The following ADAMTS9 variants were observed in gnomAD, a reference collection of about 807,000 sequenced individuals.
ADAMTS9 encodes the protein A disintegrin and metalloproteinase with thrombospondin motifs 9.
A neutral mutation model predicts 257.1 loss-of-function variants in ADAMTS9; 107 were observed. The ratio of observed to expected loss-of-function variants is 0.42; its 90% CI spans 0.36 to 0.49. ADAMTS9 has a LOEUF of 0.49. Ranked by LOEUF, ADAMTS9 falls within the 20% of genes least tolerant of loss-of-function variation. ADAMTS9 has a pLI of 0.03. For synonymous variants in ADAMTS9, 982 were observed against 880.9 expected (o/e 1.11, Z -2.03); for missense variants, 2,353 against 2,469.1 (o/e 0.95, Z 1.00).
intron 10 of ADAMTS9, among the ~76,000 whole-genome samples, chr3:64,648,706 C>A (rs1700857856): frequency 6.6e-6 from 1 of 152,112 alleles, no homozygotes; most frequent in Non-Finnish European, 1.5e-5. Context: ...GAGTTGAGAT[C>A]ATACTTCATA....
intron 3 of ADAMTS9, among the ~76,000 whole-genome samples, chr3:64,661,731 G>A (rs1701228231): frequency 6.6e-6 from 1 of 151,992 alleles, no homozygotes; most frequent in South Asian, 2.1e-4. Flanking sequence ...TTTTACAACA[G>A]GTGTATGGAA....
At chr3:64,660,909 G>C (rs1701205365) in intron 3 of ADAMTS9, among the ~76,000 whole-genome samples, 1 of 152,162 alleles carries the variant, frequency 6.6e-6, no homozygotes, top group South Asian at 2.1e-4. Context: ...AAAGAAGCTG[G>C]TGCTAGTTTT....
intron 17 of ADAMTS9, 39 bp downstream of exon 17, chr3:64,622,381 C>A: frequency 6.2e-7 from 1 of 1,612,568 alleles, no homozygotes; most frequent in Non-Finnish European, 8.5e-7. Flanking sequence ...TAATGCCAAG[C>A]AGAAGAAAAG....
intron 28 of ADAMTS9, among the ~76,000 whole-genome samples, chr3:64,574,928 A>G (rs575916329): frequency 1.3e-5 from 2 of 152,322 alleles, no homozygotes; most frequent in South Asian, 4.1e-4. Context: ...GTAGCTACGC[A>G]ATGTTAATAG....
At chr3:64,639,725 T>C (rs1700592497) in intron 12 of ADAMTS9, among the ~76,000 whole-genome samples, 3 of 152,196 alleles carry the variant, frequency 2.0e-5, no homozygotes, top group South Asian at 2.1e-4. Flanking sequence ...TAGTTTTTAA[T>C]ATGTAAAAAA....
At chr3:64,520,776 T>C (rs2082841553) in intron 39 of ADAMTS9, among the ~76,000 whole-genome samples, 2 of 152,102 alleles carry the variant, frequency 1.3e-5, no homozygotes, top group South Asian at 2.1e-4. Context: ...TCTTACCTCT[T>C]ACCATATACA....
chr3:64,652,544 G>A (rs1003220349), intron 8 of ADAMTS9, among the ~76,000 whole-genome samples: 3 of 152,018 alleles, frequency 2.0e-5, no homozygotes, highest in Non-Finnish European at 2.9e-5. Context: ...CCCAGATGAG[G>A]TTTATTCCCC....
At chr3:64,527,307 T>G (rs2082922300) in intron 38 of ADAMTS9, among the ~76,000 whole-genome samples, 1 of 152,252 alleles carries the variant, frequency 6.6e-6, no homozygotes, top group South Asian at 2.1e-4. Context: ...TAAGAATAGT[T>G]TGTATTTCAT....
chr3:64,649,295 T>C (rs1302266526), intron 10 of ADAMTS9, among the ~76,000 whole-genome samples: 1 of 152,114 alleles, frequency 6.6e-6, no homozygotes, highest in Non-Finnish European at 1.5e-5. Flanking sequence ...CGAAGGGCAT[T>C]AAAGGCAACA....
At position 64,604,036 on chromosome 3, in the gene ADAMTS9, A is replaced by G. The variant is rs772350039; in HGVS notation, c.3633T>C (p.Asp1211=). 1.2e-5 allele frequency: 20 copies of G among 1,613,762 alleles called. No homozygotes were observed. Among genetic ancestry groups the G allele is most frequent in the Middle Eastern group, 1.6e-4 (1 of 6,080 alleles). Residue 1211 remains aspartate (D), a synonymous_variant, in exon 25 of 40, where the codon GAT becomes GAC. Coordinates refer to ENST00000498707, the MANE Select transcript of ADAMTS9 (RefSeq NM_182920.2). ...TCTCGTCAGCCACAGAGCCATTCTC[A>G]TCTCGGCAGCTGACGTATCTCATCC... The part of the protein sequence containing the change: ...GTRMRYVSCR[D]ENGSVADESA...
chr3:64,609,137 G>T (rs1051473848), intron 22 of ADAMTS9, among the ~76,000 whole-genome samples: 2 of 151,940 alleles, frequency 1.3e-5, no homozygotes, highest in Non-Finnish European at 2.9e-5. Context: ...ATAAAGAGCA[G>T]TTAGGAAAAA....
Position 64,604,063 on chromosome 3 carries a change from G to A in ADAMTS9, c.3606C>T (p.Thr1202=). The change falls in exon 25 of 40, where the codon ACC becomes ACT. Residue 1202 remains threonine, a synonymous_variant. Coordinates refer to ENST00000498707, the MANE Select transcript of ADAMTS9 (RefSeq NM_182920.2). Reference sequence around the variant, plus strand: ...CTCGGCAGCTGACGTATCTCATCCGGGTACCTTTCCCACAAGTGGCTGAGC... The same window carrying A: ...CTCGGCAGCTGACGTATCTCATCCGAGTACCTTTCCCACAAGTGGCTGAGC... ...TPCSATCGKG[T]RMRYVSCRDE... is the part of the protein sequence containing the mutation. 1.2e-6 allele frequency: 2 copies of A among 1,613,980 alleles called. No homozygotes were observed. The highest frequency in any genetic ancestry group is 1.7e-6 in the Non-Finnish European group (2 of 1,179,982).
intron 28 of ADAMTS9, among the ~76,000 whole-genome samples, chr3:64,572,370 C>T (rs756535016): frequency 5.9e-5 from 9 of 152,202 alleles, no homozygotes; most frequent in Non-Finnish European, 1.3e-4. Context: ...AAACTCAAGA[C>T]ATGGGCCGTC....
intron 22 of ADAMTS9, among the ~76,000 whole-genome samples, chr3:64,607,306 A>C (rs981094025): frequency 1.3e-5 from 2 of 152,208 alleles, no homozygotes; most frequent in Non-Finnish European, 2.9e-5. Context: ...AATGATATTT[A>C]TAGGGGTTCA....
intron 3 of ADAMTS9, among the ~76,000 whole-genome samples, chr3:64,671,572 T>C (rs1004575961): frequency 2.0e-5 from 3 of 152,210 alleles, no homozygotes; most frequent in African/African-American, 7.2e-5. Flanking sequence ...TAACTTGAAC[T>C]TTTTCCACAC....
intron 37 of ADAMTS9, among the ~76,000 whole-genome samples, chr3:64,537,160 A>G (rs571286069): frequency 6.6e-6 from 1 of 152,350 alleles, no homozygotes; most frequent in African/African-American, 2.4e-5. Flanking sequence ...CTGGGAAAAA[A>G]TACAAATTAG....
Position 64,569,635 on chromosome 3 carries a change from G to GTT in ADAMTS9, c.4357-1101_4357-1100insAA, listed in dbSNP as rs200159406. ...TAACTCAACCACTATTACCAAGCAT[G>GTT]CTCAGTTATCCATTCATAAATGTAC... On this transcript the variant is annotated intron_variant, in intron 28 of 39. Coordinates refer to ENST00000498707, the MANE Select transcript of ADAMTS9 (RefSeq NM_182920.2). Among the ~76,000 whole-genome samples the GTT allele has an allele frequency of 5.8e-3, 782 of 134,590 alleles. 2 individuals carry two copies. Among genetic ancestry groups the GTT allele is most frequent in the African/African-American group, 0.027 (756 of 28,486 alleles). The allele number at this position is 134,590 out of a possible 152,430, so 88.3% of individuals were successfully genotyped here.
At position 64,642,122 on chromosome 3, in the gene ADAMTS9, A is replaced by T. The variant is rs1700661499; in HGVS notation, c.1711-129T>A. ...GGGTTTGAAATGCTGCAGGTTCATC[A>T]TCTATATGAATAATGGAAGCTATAG... is the stretch of plus-strand genomic sequence containing the variant. On this transcript the variant is annotated intron_variant, in intron 11 of 39. Coordinates refer to ENST00000498707, the MANE Select transcript of ADAMTS9 (RefSeq NM_182920.2). 35 of 1,029,194 alleles carry T rather than the reference A, an allele frequency of 3.4e-5. 1 individual carries two copies. In the South Asian group the frequency reaches 5.3e-4, roughly 16 times the overall value. 63.8% of individuals were successfully genotyped at this position (1,029,194 alleles called of 1,614,324 possible). A position where few individuals can be genotyped will look rare whatever the true frequency, so the allele number is the denominator to read the frequency against.
intron 14 of ADAMTS9, 55 bp downstream of exon 14, chr3:64,633,417 A>C (rs1700416605): frequency 1.2e-6 from 2 of 1,605,026 alleles, no homozygotes; most frequent in African/African-American, 1.3e-5. Flanking sequence ...GGAAGCCACA[A>C]ATCACAGGTT....
Sources: gnomAD v4.1 joint callset for allele counts (sites outside exome capture counted in the v4.1 genomes callset) on GRCh38, gnomAD v4.1.1 for gene constraint, MANE v1.5 for transcripts, NCBI Gene and HGNC (gene_info 2026-07-23, HGNC 2026-07-21) for gene names.